NEDD4L: variants seen among roughly 807,000 people sequenced by gnomAD.
The protein encoded by NEDD4L is E3 ubiquitin-protein ligase NEDD4-like.
Under a neutral mutation model 148.9 loss-of-function variants are expected in NEDD4L, and 54 were observed. That is an observed-to-expected ratio of 0.36 (90% CI 0.29 to 0.45). The LOEUF is 0.45. Among genes scored for constraint, NEDD4L ranks in the 20% least tolerant of loss-of-function variants. NEDD4L has a pLI of 1.00. For missense variants in NEDD4L, 856 were observed against 1,233.8 expected (o/e 0.69, Z 4.59); for synonymous variants, 433 against 440.7 (o/e 0.98, Z 0.22).
At chr18:58,278,933 G>A (rs1163552794) in intron 5 of NEDD4L, among the ~76,000 whole-genome samples, 1 of 152,106 alleles carries the variant, frequency 6.6e-6, no homozygotes, top group Non-Finnish European at 1.5e-5. Context: ...GTGCAGTGGT[G>A]CAGTCTCAGC....
At chr18:58,300,008 T>C (rs1378171832) in intron 5 of NEDD4L, among the ~76,000 whole-genome samples, 2 of 152,198 alleles carry the variant, frequency 1.3e-5, no homozygotes, top group African/African-American at 4.8e-5. Flanking sequence ...AGGTTTTACT[T>C]TGAAAAGTAA....
At chr18:58,214,324 T>C (rs892660243) in intron 2 of NEDD4L, among the ~76,000 whole-genome samples, 2 of 152,200 alleles carry the variant, frequency 1.3e-5, no homozygotes, top group African/African-American at 2.4e-5. Context: ...TATCTGTTCA[T>C]GTGATGATAC....
chr18:58,340,942 C>A, intron 13 of NEDD4L, 96 bp from the exon 14 acceptor site: 2 of 1,278,918 alleles, frequency 1.6e-6, no homozygotes, highest in Non-Finnish European at 2.2e-6. Flanking sequence ...TTAACTTTGT[C>A]TAGAGAAAAT....
intron 5 of NEDD4L, among the ~76,000 whole-genome samples, chr18:58,306,032 G>T (rs1462237426): frequency 6.6e-6 from 1 of 152,208 alleles, no homozygotes; most frequent in African/African-American, 2.4e-5. Flanking sequence ...CAAGAAGGGT[G>T]AGGAGTATGT....
intron 1 of NEDD4L, among the ~76,000 whole-genome samples, chr18:58,098,529 CA>C (rs1816072525): frequency 1.3e-5 from 2 of 152,284 alleles, no homozygotes; most frequent in South Asian, 4.2e-4. Flanking sequence ...CTTGCTTGGC[CA>C]TCTTCCAGCT....
At chr18:58,071,866 A>T (rs974504190) in intron 1 of NEDD4L, among the ~76,000 whole-genome samples, 1 of 152,218 alleles carries the variant, frequency 6.6e-6, no homozygotes, top group Non-Finnish European at 1.5e-5. Flanking sequence ...CATGAGACTT[A>T]TTCAGTACCA....
intron 5 of NEDD4L, among the ~76,000 whole-genome samples, chr18:58,277,107 C>T (rs1375970931): frequency 2.0e-5 from 3 of 151,998 alleles, no homozygotes; most frequent in Admixed American, 1.3e-4. Context: ...GAAGAAGGGC[C>T]GAGGAAGAGG....
At chr18:58,352,834 A>G (rs772820642) in intron 18 of NEDD4L, among the ~76,000 whole-genome samples, 4 of 152,144 alleles carry the variant, frequency 2.6e-5, no homozygotes, top group Non-Finnish European at 5.9e-5. Flanking sequence ...CTGGCTGGAG[A>G]TGTGATGCTT....
chr18:58,174,882 G>A (rs973834276), intron 2 of NEDD4L, among the ~76,000 whole-genome samples: 14 of 152,188 alleles, frequency 9.2e-5, no homozygotes, highest in African/African-American at 2.4e-4. Flanking sequence ...ACTTCCAAAG[G>A]ATTGGAAATT....
intron 2 of NEDD4L, chr18:58,195,493 C>T (rs577239743): frequency 1.3e-5 from 18 of 1,344,502 alleles, no homozygotes; most frequent in Admixed American, 1.9e-5. Context: ...CGAGGGTGCC[C>T]GGGTGGGTGG....
At chr18:58,114,356 A>G (rs1293397590) in intron 1 of NEDD4L, among the ~76,000 whole-genome samples, 4 of 149,258 alleles carry the variant, frequency 2.7e-5, no homozygotes, top group African/African-American at 9.9e-5. Context: ...AAATATATAT[A>G]TATATACACA....
At chr18:58,090,250 G>T (rs1348356023) in intron 1 of NEDD4L, among the ~76,000 whole-genome samples, 2 of 152,160 alleles carry the variant, frequency 1.3e-5, no homozygotes, top group African/African-American at 4.8e-5. Flanking sequence ...TGGATTTGTT[G>T]AAACTACATG....
At chr18:58,383,180 T>A in intron 24 of NEDD4L, 66 bp from the exon 25 acceptor site, 1 of 825,702 alleles carries the variant, frequency 1.2e-6, no homozygotes. Context: ...TAAGACATTG[T>A]CACTCAATAA....
chr18:58,356,158 A>C (rs148624331), intron 18 of NEDD4L, among the ~76,000 whole-genome samples: 1 of 151,328 alleles, frequency 6.6e-6, no homozygotes, highest in Non-Finnish European at 1.5e-5. Context: ...GGTCCTCACT[A>C]TGTTTCCCAG....
intron 2 of NEDD4L, among the ~76,000 whole-genome samples, chr18:58,196,121 T>C (rs959486176): frequency 6.6e-6 from 1 of 152,204 alleles, no homozygotes; most frequent in Non-Finnish European, 1.5e-5. Context: ...AAGGAATCTG[T>C]CATGCAGAGT....
intron 12 of NEDD4L, among the ~76,000 whole-genome samples, chr18:58,335,199 C>T (rs755467614): frequency 6.6e-6 from 1 of 152,184 alleles, no homozygotes; most frequent in Non-Finnish European, 1.5e-5. Flanking sequence ...GCAGGCAAAA[C>T]CAGACCAGCT....
At chr18:58,187,892 A>C (rs2039647719) in intron 2 of NEDD4L, among the ~76,000 whole-genome samples, 1 of 152,122 alleles carries the variant, frequency 6.6e-6, no homozygotes, top group Non-Finnish European at 1.5e-5. Context: ...CTGCTAGCTC[A>C]GGAAGCTTCA....
At position 58,187,342 on chromosome 18, in the gene NEDD4L, T is replaced by TG. The variant is rs574355616; in HGVS notation, c.122+21485dup. Among the ~76,000 whole-genome samples the TG allele has an allele frequency of 1.8e-4, 28 of 151,988 alleles. No individual in the cohort carries two copies. In the East Asian group the frequency reaches 4.6e-3, roughly 25 times the overall value. On this transcript the variant is annotated intron_variant, in intron 2 of 30. Transcript: ENST00000400345. The stretch of plus-strand genomic sequence containing the variant: ...TCACTGAATCACTGAACCAGGCAGG[T>TG]GGGGTACTGGAGGGCAGGGGATGGG...
intron 18 of NEDD4L, among the ~76,000 whole-genome samples, chr18:58,355,486 G>A (rs779514651): frequency 3.3e-5 from 5 of 152,198 alleles, no homozygotes; most frequent in Admixed American, 6.5e-5. Flanking sequence ...GAGGACTTGC[G>A]AATCCCAATG....
Sources: gnomAD v4.1 joint callset for allele counts (sites outside exome capture counted in the v4.1 genomes callset) on GRCh38, gnomAD v4.1.1 for gene constraint, MANE v1.5 for transcripts, NCBI Gene and HGNC (gene_info 2026-07-23, HGNC 2026-07-21) for gene names.